NBAS: variants seen among roughly 807,000 people sequenced by gnomAD.
NBAS encodes NAG/BC035112 fusion.
NBAS carries 219 observed loss-of-function variants against 302.5 expected under a neutral mutation model. That is an observed-to-expected ratio of 0.72 (90% confidence interval 0.65 to 0.81). The LOEUF (loss-of-function observed/expected upper bound fraction) is 0.81. Among genes scored for constraint, NBAS ranks in the 30% least tolerant of loss-of-function variants. NBAS has a pLI of 0.00. For missense variants in NBAS, 2,932 were observed against 2,841.6 expected (o/e 1.03, Z -0.72); for synonymous variants, 1,118 against 1,021.6 (o/e 1.09, Z -1.80).
intron 48 of NBAS, among the ~76,000 whole-genome samples, chr2:15,194,425 C>A (rs563218081): frequency 6.6e-6 from 1 of 151,936 alleles, no homozygotes; most frequent in East Asian, 1.9e-4. Context: ...AAGAAAAGAA[C>A]GGTTAACTAC....
chr2:14,967,185 A>C, the NBAS span, among the ~76,000 whole-genome samples: 14 of 152,192 alleles, frequency 9.2e-5, no homozygotes, highest in Admixed American at 7.9e-4. Flanking sequence ...GTGTGTATGA[A>C]CTGGAATACT....
intron 11 of NBAS, among the ~76,000 whole-genome samples, chr2:15,498,941 T>G (rs1392955708): frequency 6.6e-6 from 1 of 151,580 alleles, no homozygotes; most frequent in Non-Finnish European, 1.5e-5. Flanking sequence ...TTTTTTTTTT[T>G]TTTTTTGAGA....
At chr2:15,049,181 C>T in the NBAS span, among the ~76,000 whole-genome samples, 1 of 152,222 alleles carries the variant, frequency 6.6e-6, no homozygotes, top group Non-Finnish European at 1.5e-5. Flanking sequence ...CCGGCAGCTG[C>T]GACCCTTCCA....
intron 34 of NBAS, among the ~76,000 whole-genome samples, chr2:15,352,653 C>T (rs1286402117): frequency 2.6e-5 from 4 of 152,004 alleles, no homozygotes; most frequent in East Asian, 1.9e-4. Flanking sequence ...GGGAGGGGAG[C>T]GTGCGCAGTG....
At chr2:14,832,438 A>G in the NBAS span, among the ~76,000 whole-genome samples, 1 of 152,216 alleles carries the variant, frequency 6.6e-6, no homozygotes, top group Admixed American at 6.5e-5. Context: ...CCTTGATCCA[A>G]TAGTGGGAGA....
At chr2:14,931,069 A>G in the NBAS span, among the ~76,000 whole-genome samples, 1 of 152,212 alleles carries the variant, frequency 6.6e-6, no homozygotes, top group Admixed American at 6.5e-5. Context: ...TGAATGATTG[A>G]TTGAAAGAAT....
At chr2:15,440,397 A>C (rs973604993) in intron 21 of NBAS, among the ~76,000 whole-genome samples, 9 of 152,222 alleles carry the variant, frequency 5.9e-5, no homozygotes, top group African/African-American at 2.2e-4. Flanking sequence ...CCAGGCAAAC[A>C]GGGTCTGGAG....
chr2:15,171,767 A>G (rs1664302518), intron 51 of NBAS, among the ~76,000 whole-genome samples: 1 of 152,202 alleles, frequency 6.6e-6, no homozygotes, highest in South Asian at 2.1e-4. Flanking sequence ...TGAGGTCATC[A>G]GGATGGACTC....
the NBAS span, among the ~76,000 whole-genome samples, chr2:14,863,660 A>G: frequency 6.6e-6 from 1 of 152,328 alleles, no homozygotes. Context: ...AGGGGTTACA[A>G]TGGCTTAGTT....
chr2:15,560,425 C>T (rs1664857039), intron 1 of NBAS, among the ~76,000 whole-genome samples: 1 of 152,124 alleles, frequency 6.6e-6, no homozygotes, highest in Non-Finnish European at 1.5e-5. Context: ...CAGCTCTTTA[C>T]TCTGCACTTC....
At chr2:15,492,262 T>C (rs1680888035) in intron 11 of NBAS, among the ~76,000 whole-genome samples, 1 of 152,202 alleles carries the variant, frequency 6.6e-6, no homozygotes, top group African/African-American at 2.4e-5. Flanking sequence ...TTATTTTGCT[T>C]ATAAATACAC....
At chr2:15,513,516 T>C (rs1326228392) in intron 9 of NBAS, among the ~76,000 whole-genome samples, 1 of 151,672 alleles carries the variant, frequency 6.6e-6, no homozygotes, top group Non-Finnish European at 1.5e-5. Context: ...GAGAAAATAT[T>C]GATGAAAAAA....
At chr2:15,486,086 A>G (rs189152196) in intron 12 of NBAS, among the ~76,000 whole-genome samples, 103 of 152,256 alleles carry the variant, frequency 6.8e-4, no homozygotes, top group African/African-American at 2.4e-3. Context: ...TGCTGTGATG[A>G]ACTCTGAACC....
the NBAS span, among the ~76,000 whole-genome samples, chr2:14,858,072 A>T: frequency 5.5e-3 from 838 of 152,288 alleles, 7 homozygotes; most frequent in African/African-American, 0.019. Context: ...GTAGATCCTC[A>T]ACATCACTGA....
chr2:15,402,339 G>T, intron 25 of NBAS, 38 bp from the exon 26 acceptor site: 1 of 1,605,232 alleles, frequency 6.2e-7, no homozygotes. Context: ...AATGTCAACA[G>T]ATTTATAGTC....
chr2:14,981,079 GA>G, the NBAS span, among the ~76,000 whole-genome samples: 1 of 151,502 alleles, frequency 6.6e-6, no homozygotes, highest in East Asian at 1.9e-4. Context: ...AAAAACAGAA[GA>G]AAAATTTATC....
At chr2:15,447,334 G>A (rs781650261) in intron 21 of NBAS, among the ~76,000 whole-genome samples, 16 of 152,160 alleles carry the variant, frequency 1.1e-4, no homozygotes, top group Non-Finnish European at 2.2e-4. Flanking sequence ...AGCAAGAAAG[G>A]CATCTGACTT....
At chr2:14,781,746 CA>C in the NBAS span, among the ~76,000 whole-genome samples, 344 of 135,836 alleles carry the variant, frequency 2.5e-3, 5 homozygotes, top group Admixed American at 6.9e-3. Context: ...GCTATTGTGA[CA>C]AAAAAAAAAA....
chr2:15,039,969 G>T, the NBAS span, among the ~76,000 whole-genome samples: 1 of 152,310 alleles, frequency 6.6e-6, no homozygotes, highest in African/African-American at 2.4e-5. Context: ...TGATGTGAGT[G>T]ATGCATCTTC....
Sources: gnomAD v4.1 joint callset for allele counts (sites outside exome capture counted in the v4.1 genomes callset) on GRCh38, gnomAD v4.1.1 for gene constraint, MANE v1.5 for transcripts, NCBI Gene and HGNC (gene_info 2026-07-23, HGNC 2026-07-21) for gene names.